The following DNAI4 variants were observed in gnomAD, a reference collection of about 807,000 sequenced individuals.
The protein encoded by DNAI4 is WD repeat domain 78.
In DNAI4, 85 loss-of-function variants were observed where a neutral mutation model predicts 105.8. The observed-to-expected ratio is 0.80, with a 90% CI of 0.67 to 0.96. DNAI4 has a LOEUF of 0.96. DNAI4 is among the 40% of genes least tolerant of loss of function. The pLI is 0.00. For synonymous variants in DNAI4, 352 were observed against 331.5 expected, an observed-to-expected ratio of 1.06 and a Z score of -0.67; for missense variants, 1,014 against 1,005.6, an observed-to-expected ratio of 1.01 and a Z score of -0.11.
At chr1:66,905,055 GAAT>G in intron 2 of DNAI4, 143 bp downstream of exon 2, 1 of 585,456 alleles carries the variant, frequency 1.7e-6, no homozygotes. Context: ...ATGTTGTATG[GAAT>G]AATATGTGGT....
At chr1:66,889,379 G>A (rs1420705062) in intron 4 of DNAI4, among the ~76,000 whole-genome samples, 1 of 152,114 alleles carries the variant, frequency 6.6e-6, no homozygotes, top group Non-Finnish European at 1.5e-5. Context: ...GAGTGAGCTA[G>A]AGAAGATATT....
Position 66,871,352 on chromosome 1 carries a change from C to A in DNAI4, c.940+18G>T. The A allele has an allele frequency of 6.3e-7, 1 of 1,589,150 alleles. No individual in the cohort carries two copies. On this transcript the variant is annotated intron_variant, in intron 6 of 16. Transcript: ENST00000371026. ...TATTAGAACATTATAGTTTATCAAGCAGAATGATAGAAATTACCTTTATCT... is the reference window on the plus strand; with the variant it reads ...TATTAGAACATTATAGTTTATCAAGAAGAATGATAGAAATTACCTTTATCT...
intron 14 of DNAI4, among the ~76,000 whole-genome samples, chr1:66,827,484 T>A (rs893437842): frequency 6.6e-6 from 1 of 151,762 alleles, no homozygotes; most frequent in African/African-American, 2.4e-5. Flanking sequence ...GTGAGACCCA[T>A]CTCTTAAAAA....
chr1:66,898,265 G>A (rs1246543124), intron 2 of DNAI4, among the ~76,000 whole-genome samples: 1 of 152,132 alleles, frequency 6.6e-6, no homozygotes, highest in Admixed American at 6.5e-5. Context: ...TCACAGGTAA[G>A]ACTCTGGGCT....
At chr1:66,835,808 G>C (rs1474378469) in intron 10 of DNAI4, 31 bp from the exon 11 acceptor site, 1 of 1,603,754 alleles carries the variant, frequency 6.2e-7, no homozygotes, top group Non-Finnish European at 8.5e-7. Flanking sequence ...TTTTCAATTT[G>C]TTTTTGTAGA....
rs1423804316 is a variant in DNAI4 at position 66,822,502 on chromosome 1, A to C, written c.2355T>G (p.Ile785Met). The C allele has an allele frequency of 5.0e-6, 8 of 1,607,350 alleles. No homozygotes were observed. The highest frequency in any genetic ancestry group is 6.8e-6 in the Non-Finnish European group (8 of 1,177,532). Reference protein sequence around the residue: ...DLHISTLDPLIVNTANPGIKF... With the variant: ...DLHISTLDPLMVNTANPGIKF... ...TGATTCCAGGGTTAGCAGTATTCAC[A>C]ATCAGAGGGTCCAAACTGTAATGAA... Residue 785 changes from isoleucine (I) to methionine (M), a missense_variant, in exon 16 of 17, where the codon ATT becomes ATG. By Grantham distance (10) the Ile-to-Met change is conservative. Transcript: ENST00000371026.
At chr1:66,891,058 T>C (rs775625985) in intron 4 of DNAI4, 96 bp downstream of exon 4, 2 of 975,748 alleles carry the variant, frequency 2.0e-6, no homozygotes, top group South Asian at 1.3e-5. Flanking sequence ...TTGGAAATCA[T>C]TACCATATTT....
At chr1:66,832,454 A>AATATTCTG (rs1645885763) in intron 13 of DNAI4, among the ~76,000 whole-genome samples, 1 of 152,178 alleles carries the variant, frequency 6.6e-6, no homozygotes, top group Admixed American at 6.5e-5. Context: ...ATAGTGGCTG[A>AATATTCTG]ATATTCTGAT....
intron 9 of DNAI4, among the ~76,000 whole-genome samples, chr1:66,838,346 G>C (rs148215186): frequency 2.8e-4 from 42 of 152,276 alleles, no homozygotes; most frequent in African/African-American, 1.0e-3. Flanking sequence ...ACACACCAGA[G>C]GTCTCTCTCT....
intron 15 of DNAI4, among the ~76,000 whole-genome samples, chr1:66,823,921 C>T (rs1303994603): frequency 6.7e-6 from 1 of 150,186 alleles, no homozygotes; most frequent in Non-Finnish European, 1.5e-5. Context: ...TAATTAGATC[C>T]CATTTGTCAA....
chr1:66,921,882 T>G (rs1489236139), intron 1 of DNAI4, among the ~76,000 whole-genome samples: 1 of 144,968 alleles, frequency 6.9e-6, no homozygotes, highest in African/African-American at 2.6e-5. Flanking sequence ...AGGTACACAA[T>G]AAACTTGTAG....
intron 8 of DNAI4, among the ~76,000 whole-genome samples, chr1:66,845,531 A>T (rs534363333): frequency 2.6e-5 from 4 of 152,332 alleles, no homozygotes; most frequent in African/African-American, 9.6e-5. Context: ...AAATTAAAAT[A>T]TCCATTTACC....
chr1:66,865,307 G>A (rs1037900458), intron 6 of DNAI4, among the ~76,000 whole-genome samples: 5 of 151,712 alleles, frequency 3.3e-5, no homozygotes, highest in Admixed American at 1.3e-4. Flanking sequence ...GCCTGTAATC[G>A]CAGCTACTTG....
intron 2 of DNAI4, among the ~76,000 whole-genome samples, chr1:66,899,429 ATAAT>A (rs1350621917): frequency 1.3e-5 from 2 of 152,178 alleles, no homozygotes; most frequent in African/African-American, 4.8e-5. Context: ...TGTATGATGA[ATAAT>A]TATTTGTCTT....
intron 1 of DNAI4, among the ~76,000 whole-genome samples, chr1:66,906,203 G>A (rs569751905): frequency 6.6e-6 from 1 of 152,042 alleles, no homozygotes. Flanking sequence ...TTACAGGCAT[G>A]AGCCACTGTG....
At chr1:66,895,271 G>C (rs552251321) in intron 2 of DNAI4, among the ~76,000 whole-genome samples, 1 of 152,248 alleles carries the variant, frequency 6.6e-6, no homozygotes, top group African/African-American at 2.4e-5. Flanking sequence ...TTGAGGCTAG[G>C]GGTTTGAGAC....
rs542368295 is a variant in DNAI4 at position 66,841,668 on chromosome 1, G to A, written c.1292-997C>T. Among the ~76,000 whole-genome samples, 3 of 152,174 alleles carry A rather than the reference G, an allele frequency of 2.0e-5. No homozygotes were observed. In the South Asian group the frequency reaches 6.2e-4, roughly 32 times the overall value. On this transcript the variant is annotated intron_variant, in intron 8 of 16. Transcript: ENST00000371026. ...TTACAGACATGAGCCACTGCACTTGGCCAAGATCCATCTCTTTTCTACATA... is the reference window on the plus strand; with the variant it reads ...TTACAGACATGAGCCACTGCACTTGACCAAGATCCATCTCTTTTCTACATA...
intron 2 of DNAI4, among the ~76,000 whole-genome samples, chr1:66,897,612 C>T (rs930534651): frequency 1.3e-5 from 2 of 152,104 alleles, no homozygotes; most frequent in Non-Finnish European, 2.9e-5. Flanking sequence ...CCTTCAAGAG[C>T]CCACTACCCA....
chr1:66,820,127 A>C (rs542530806), intron 16 of DNAI4, among the ~76,000 whole-genome samples: 3 of 152,286 alleles, frequency 2.0e-5, no homozygotes, highest in African/African-American at 7.2e-5. Flanking sequence ...TCCTGTTAAA[A>C]TATCTGATAC....
Sources: gnomAD v4.1 joint callset for allele counts (sites outside exome capture counted in the v4.1 genomes callset) on GRCh38, gnomAD v4.1.1 for gene constraint, MANE v1.5 for transcripts, NCBI Gene and HGNC (gene_info 2026-07-23, HGNC 2026-07-21) for gene names.